Variants in SUN1 observed in about 807,000 individuals in gnomAD.
SUN1 encodes the protein SUN domain-containing protein 1.
In SUN1, 61 loss-of-function variants were observed where a neutral mutation model predicts 103.2. That is an observed-to-expected ratio of 0.59 (90% CI 0.48 to 0.73). SUN1 has a LOEUF of 0.73. Among genes scored for constraint, SUN1 ranks in the 30% least tolerant of loss-of-function variants. The pLI is 0.00. For synonymous variants in SUN1, 490 were observed against 425.7 expected, an observed-to-expected ratio of 1.15 and a Z score of -1.86; for missense variants, 1,052 against 1,034.6, an observed-to-expected ratio of 1.02 and a Z score of -0.23.
intron 5 of SUN1, chr7:848,749 C>A: frequency 2.0e-6 from 1 of 496,712 alleles, no homozygotes; most frequent in Non-Finnish European, 3.2e-6. Context: ...CTCCTGGCTT[C>A]CCCCTCTGGA....
intron 5 of SUN1, among the ~76,000 whole-genome samples, chr7:845,617 A>G (rs1275859764): frequency 6.6e-6 from 1 of 151,964 alleles, no homozygotes; most frequent in African/African-American, 2.4e-5. Flanking sequence ...GCATAATCAT[A>G]TTTACTTAAA....
At chr7:836,435 C>A (rs925495187) in intron 1 of SUN1, among the ~76,000 whole-genome samples, 3 of 152,132 alleles carry the variant, frequency 2.0e-5, no homozygotes, top group African/African-American at 7.2e-5. Context: ...GTTGAGTTGG[C>A]AAGGGGAGAC....
chr7:816,002 CTGGAGATTCAGACCCTCTCA>C, upstream of SUN1: 1 of 206,528 alleles, frequency 4.8e-6, no homozygotes, highest in South Asian at 4.7e-5. Context: ...GGACGCCCTC[CTGGAGATTCAGACCCTCTCA>C]TGGAGATGCA....
chr7:862,583 T>G lies in SUN1; in HGVS notation c.1864+1119T>G, dbSNP rs187497537. Among the ~76,000 whole-genome samples the G allele has an allele frequency of 2.6e-4, 40 of 152,338 alleles. No individual in the cohort carries two copies. In the Middle Eastern group the frequency reaches 0.014, roughly 52 times the overall value. On this transcript the variant is annotated intron_variant, in intron 15 of 18. Coordinates refer to ENST00000401592, the MANE Select transcript of SUN1 (RefSeq NM_001130965.3). ...GTTATATATTTTGAAATTCAGTGAT[T>G]TAGGAAGAAATTATTTTCCATTAAG...
At chr7:850,070 G>C in intron 5 of SUN1, 2 of 1,514,698 alleles carry the variant, frequency 1.3e-6, no homozygotes, top group Admixed American at 2.0e-5. Flanking sequence ...ATCTCGCCCT[G>C]TCACCATGCT....
chr7:870,018 ACCG>A (rs1215830238), intron 17 of SUN1, among the ~76,000 whole-genome samples: 18 of 148,904 alleles, frequency 1.2e-4, no homozygotes, highest in African/African-American at 4.5e-4. Context: ...AGGTGGTGAA[ACCG>A]CGTCTCTACT....
intron 17 of SUN1, 98 bp from the exon 18 acceptor site, chr7:872,372 G>A (rs1361865247): frequency 2.1e-6 from 2 of 932,710 alleles, no homozygotes; most frequent in Non-Finnish European, 3.4e-6. Context: ...GGAGGGAAAC[G>A]GTCCTGTTTG....
upstream of SUN1, chr7:816,344 C>A (rs573994764): frequency 1.9e-5 from 4 of 205,340 alleles, no homozygotes; most frequent in East Asian, 4.7e-4. Flanking sequence ...GCAGGCCTTT[C>A]CCCCGAATGC....
rs117846044 is a variant in SUN1 at position 874,221 on chromosome 7, G to A, written c.*890G>A. ...GAGCCGTCTGGTGTGTCAGGGTCAC[G>A]AACCCGTTACATTTCAGGACGATCC... On this transcript the variant is annotated 3_prime_UTR_variant, in exon 19 of 19. Transcript: ENST00000401592. 746 of 152,600 alleles carry A rather than the reference G, an allele frequency of 4.9e-3. 5 individuals carry two copies. The highest frequency in any genetic ancestry group is 8.3e-3 in the Admixed American group (127 of 15,306). 9.5% of individuals were successfully genotyped at this position (152,600 alleles called of 1,614,324 possible). A position where few individuals can be genotyped will look rare whatever the true frequency, so the allele number is the denominator to read the frequency against.
intron 16 of SUN1, among the ~76,000 whole-genome samples, chr7:868,048 C>T (rs1024811788): frequency 3.9e-5 from 6 of 152,210 alleles, no homozygotes; most frequent in African/African-American, 7.2e-5. Context: ...CTTCACAGCG[C>T]GGTAGAAGAC....
rs2128459939 is a variant in SUN1, at chr7:860,315, A to G, written c.1712A>G (p.Gln571Arg). The change falls in exon 14 of 19, where the codon CAG (glutamine) becomes CGG (arginine). Residue 571 changes from glutamine to arginine, a missense_variant. Coordinates refer to ENST00000401592, the MANE Select transcript of SUN1 (RefSeq NM_001130965.3). ...ACCCACCACGTTTCCGTGACCAAGC[A>G]GCTCCCAACCTCAGAAGCCGTGGTG... is the stretch of plus-strand genomic sequence containing the variant. ...NVTHHVSVTK[Q>R]LPTSEAVVSA... The G allele has an allele frequency of 6.2e-7, 1 of 1,614,252 alleles. No individual in the cohort carries two copies. The highest frequency in any genetic ancestry group is 2.2e-5 in the East Asian group (1 of 44,886).
chr7:860,105 G>A (rs1053751611), intron 13 of SUN1, 23 bp from the exon 14 acceptor site: 1 of 1,610,902 alleles, frequency 6.2e-7, no homozygotes, highest in South Asian at 1.1e-5. Flanking sequence ...TAGGACATTT[G>A]TGTCCGTCTG....
At chr7:840,224 A>C (rs1372543848) in intron 2 of SUN1, among the ~76,000 whole-genome samples, 1 of 152,226 alleles carries the variant, frequency 6.6e-6, no homozygotes, top group East Asian at 1.9e-4. Flanking sequence ...TAGGGAGTTC[A>C]CTGCGCAAAG....
chr7:818,298 G>T (rs7787662), intron 1 of SUN1, among the ~76,000 whole-genome samples: 2 of 152,324 alleles, frequency 1.3e-5, no homozygotes, highest in African/African-American at 4.8e-5. Context: ...ATATGCAGCC[G>T]CTTGTGTCTG....
chr7:829,963 C>T (rs75288755), upstream of SUN1, among the ~76,000 whole-genome samples: 3,616 of 152,364 alleles, frequency 0.024, 176 homozygotes, highest in East Asian at 0.19. Context: ...GCCTGAGGTA[C>T]ACAGTTTCAT....
chr7:873,085 TCAA>T lies in SUN1; in HGVS notation c.2242-117_2242-115del, dbSNP rs377251987. On this transcript the variant is annotated intron_variant, in intron 18 of 18. Transcript: ENST00000401592. ...CTGGGTGACAGGGCAAGACTCTGTC[TCAA>T]CAACAACAACAAAAGGTTAATTTCC... 3.7e-4 allele frequency: 322 copies of T among 862,720 alleles called. 1 individual carries two copies. Among genetic ancestry groups the T allele is most frequent in the African/African-American group, 3.4e-3 (203 of 60,206 alleles). The allele number at this position is 862,720 out of a possible 1,614,324, so 53.4% of individuals were successfully genotyped here.
At chr7:829,606 G>C (rs1215976657), upstream of SUN1, among the ~76,000 whole-genome samples, 1 of 150,376 alleles carries the variant, frequency 6.6e-6, no homozygotes, top group Non-Finnish European at 1.5e-5. Context: ...CCAGGCTGGA[G>C]TGCAGTGGCG....
rs144025066 is a variant in SUN1 at position 821,674 on chromosome 7, C to G, written c.-74+5001C>G. On this transcript the variant is annotated intron_variant, in intron 1 of 17. Transcript: ENST00000389574. Reference sequence around the variant, plus strand: ...AGAAGTAGTGATGGGATGAAAGCATCCTTCAGCGTTCAACCCTTGCCCTTA... The same window carrying G: ...AGAAGTAGTGATGGGATGAAAGCATGCTTCAGCGTTCAACCCTTGCCCTTA... 8.5e-3 allele frequency among the ~76,000 whole-genome samples: 1,297 copies of G among 152,252 alleles called. 19 individuals carry two copies. The highest frequency in any genetic ancestry group is 0.027 in the Middle Eastern group (8 of 294).
Position 874,319 on chromosome 7 carries a change from C to T in SUN1, c.*988C>T, listed in dbSNP as rs537310648. On this transcript the variant is annotated 3_prime_UTR_variant, in exon 19 of 19. Coordinates refer to ENST00000401592, the MANE Select transcript of SUN1 (RefSeq NM_001130965.3). ...TTTATCACAGCTGTCACCATTCTCACGTGATTCTTGTGAGACTCTTTTTGG... is the reference window on the plus strand; with the variant it reads ...TTTATCACAGCTGTCACCATTCTCATGTGATTCTTGTGAGACTCTTTTTGG... 1.0e-4 allele frequency: 16 copies of T among 152,726 alleles called. No homozygotes were observed. The highest frequency in any genetic ancestry group is 3.1e-4 in the African/African-American group (13 of 41,544). 9.5% of individuals were successfully genotyped at this position (152,726 alleles called of 1,614,324 possible).
Sources: allele counts gnomAD v4.1 joint callset (sites outside exome capture counted in the v4.1 genomes callset), GRCh38; gene constraint gnomAD v4.1.1; transcripts MANE v1.5; gene names NCBI Gene and HGNC (gene_info 2026-07-23, HGNC 2026-07-21).